Variants in XKR4 observed in about 807,000 individuals in gnomAD.
XKR4 encodes XK related 4.
A neutral mutation model predicts 53.9 loss-of-function variants in XKR4; 12 were observed. That is an observed-to-expected ratio of 0.22 (90% confidence interval 0.14 to 0.36). The LOEUF is 0.36. Among genes scored for constraint, XKR4 ranks in the 10% least tolerant of loss-of-function variants. The pLI is 1.00. For synonymous variants in XKR4, 354 were observed against 362.4 expected (o/e 0.98, Z 0.26); for missense variants, 799 against 859.5 (o/e 0.93, Z 0.88).
intron 1 of XKR4, among the ~76,000 whole-genome samples, chr8:55,269,708 C>T (rs112911663): frequency 2.6e-5 from 4 of 152,264 alleles, no homozygotes; most frequent in African/African-American, 7.2e-5. Flanking sequence ...TACCATTAGT[C>T]TTTAAGAATC....
At position 55,267,190 on chromosome 8, in the gene XKR4, A is replaced by G. The variant is rs1818618636; in HGVS notation, c.807-90488A>G. On this transcript the variant is annotated intron_variant, in intron 1 of 2. Coordinates refer to ENST00000327381, the MANE Select transcript of XKR4 (RefSeq NM_052898.2). ...TGGAGCTAATTCAGAGGCTTAGACA[A>G]AAGTGAAATATAATAAGGAATATCC... Among the ~76,000 whole-genome samples, 2 of 152,100 alleles carry G rather than the reference A, an allele frequency of 1.3e-5. 1 individual carries two copies. The highest frequency in any genetic ancestry group is 4.1e-4 in the South Asian group (2 of 4,822).
At chr8:55,398,420 G>T (rs1470642218) in intron 2 of XKR4, among the ~76,000 whole-genome samples, 3 of 152,056 alleles carry the variant, frequency 2.0e-5, no homozygotes, top group African/African-American at 7.2e-5. Context: ...ATATATTTAT[G>T]AATTTCTACA....
At chr8:55,357,428 C>T (rs796501405) in intron 1 of XKR4, among the ~76,000 whole-genome samples, 6 of 152,180 alleles carry the variant, frequency 3.9e-5, no homozygotes, top group South Asian at 2.1e-4. Flanking sequence ...TTCCACCTCA[C>T]GCTTCTTCAT....
At chr8:55,313,136 A>C (rs1170616300) in intron 1 of XKR4, among the ~76,000 whole-genome samples, 1 of 152,124 alleles carries the variant, frequency 6.6e-6, no homozygotes, top group African/African-American at 2.4e-5. Context: ...AAAAAGTGTT[A>C]TTATTATGCA....
chr8:55,316,287 T>G (rs1819474539), intron 1 of XKR4, among the ~76,000 whole-genome samples: 1 of 152,152 alleles, frequency 6.6e-6, no homozygotes, highest in African/African-American at 2.4e-5. Context: ...GTAGCACCGA[T>G]TCTCAGGCTG....
At chr8:55,184,844 C>A (rs2129360245) in intron 1 of XKR4, among the ~76,000 whole-genome samples, 1 of 151,552 alleles carries the variant, frequency 6.6e-6, no homozygotes, top group South Asian at 2.1e-4. Flanking sequence ...GGGTGTAGAT[C>A]TATTTTTTTC....
chr8:55,156,670 T>G (rs958186488), intron 1 of XKR4, among the ~76,000 whole-genome samples: 2 of 152,148 alleles, frequency 1.3e-5, no homozygotes, highest in Admixed American at 1.3e-4. Context: ...TTTCCCCCAT[T>G]GTAAGTCTCT....
intron 1 of XKR4, among the ~76,000 whole-genome samples, chr8:55,111,638 G>A (rs6473973): frequency 0.039 from 5,984 of 152,150 alleles, 214 homozygotes; most frequent in African/African-American, 0.092. Flanking sequence ...CTACATATTC[G>A]AAATGATGTC....
intron 1 of XKR4, among the ~76,000 whole-genome samples, chr8:55,337,985 T>C (rs1803487091): frequency 1.3e-5 from 2 of 152,200 alleles, no homozygotes; most frequent in Non-Finnish European, 2.9e-5. Flanking sequence ...TCCCATATTG[T>C]CTCTTGCCTA....
At chr8:55,356,797 T>G in intron 1 of XKR4, among the ~76,000 whole-genome samples, 1 of 152,186 alleles carries the variant, frequency 6.6e-6, no homozygotes, top group Non-Finnish European at 1.5e-5. Flanking sequence ...GCAGGTCTAC[T>G]TACAGGCAAA....
intron 2 of XKR4, among the ~76,000 whole-genome samples, chr8:55,434,361 A>G (rs1805144555): frequency 6.6e-6 from 1 of 152,034 alleles, no homozygotes; most frequent in Admixed American, 6.6e-5. Context: ...GTAAAAATTT[A>G]ATATGAGTTT....
chr8:55,451,777 A>T (rs533326998), intron 2 of XKR4: 3 of 1,052,370 alleles, frequency 2.9e-6, no homozygotes, highest in Admixed American at 3.6e-5. Flanking sequence ...CAGGGGGCCC[A>T]GGCCAAGGCA....
At chr8:55,125,629 C>T (rs990518728) in intron 1 of XKR4, among the ~76,000 whole-genome samples, 2 of 152,078 alleles carry the variant, frequency 1.3e-5, no homozygotes, top group Non-Finnish European at 2.9e-5. Flanking sequence ...CCAAAGACAT[C>T]GCAAACTGGA....
chr8:55,513,498 T>C (rs1417147230), intron 2 of XKR4, among the ~76,000 whole-genome samples: 1 of 152,228 alleles, frequency 6.6e-6, no homozygotes, highest in African/African-American at 2.4e-5. Flanking sequence ...AGCCTGAACC[T>C]ATCATGCCTG....
At chr8:55,387,070 G>T (rs1291581460) in intron 2 of XKR4, among the ~76,000 whole-genome samples, 1 of 152,174 alleles carries the variant, frequency 6.6e-6, no homozygotes, top group East Asian at 1.9e-4. Context: ...TCCCCAGTAA[G>T]CTTCCAGGTC....
chr8:55,357,946 G>T lies in XKR4; in HGVS notation c.1006+69G>T, dbSNP rs1037347548. ...CTGGCTACTTTTGTCACAATCCGAG[G>T]AACTGTCCTAATGCCCTTTGTTGAC... On this transcript the variant is annotated intron_variant, in intron 2 of 2. Coordinates refer to ENST00000327381, the MANE Select transcript of XKR4 (RefSeq NM_052898.2). 16 of 1,498,394 alleles carry T rather than the reference G, an allele frequency of 1.1e-5. No homozygotes were observed. In the African/African-American group the frequency reaches 1.5e-4, roughly 14 times the overall value. The allele number at this position is 1,498,394 out of a possible 1,614,324, so 92.8% of individuals were successfully genotyped here. A position where few individuals can be genotyped will look rare whatever the true frequency, so the allele number is the denominator to read the frequency against.
chr8:55,393,072 C>A (rs111487980), intron 2 of XKR4, among the ~76,000 whole-genome samples: 1 of 151,606 alleles, frequency 6.6e-6, no homozygotes, highest in East Asian at 1.9e-4. Flanking sequence ...TTTTAAAATG[C>A]CAAATAAAAT....
At chr8:55,196,311 A>G (rs1401653768) in intron 1 of XKR4, among the ~76,000 whole-genome samples, 1 of 151,320 alleles carries the variant, frequency 6.6e-6, no homozygotes, top group Non-Finnish European at 1.5e-5. Flanking sequence ...CCTCCTGAGT[A>G]GCTGGGATTA....
Position 55,454,263 on chromosome 8 carries a change from C to T in XKR4, c.1007-69018C>T, listed in dbSNP as rs1799826358. The T allele has an allele frequency of 7.7e-6, 10 of 1,300,444 alleles. No individual in the cohort carries two copies. The Admixed American group carries it at 1.2e-4, about 15-fold the overall frequency. 80.6% of individuals were successfully genotyped at this position (1,300,444 alleles called of 1,614,324 possible). On this transcript the variant is annotated intron_variant, in intron 2 of 2. Coordinates refer to ENST00000327381, the MANE Select transcript of XKR4 (RefSeq NM_052898.2). ...TCTCCATCCAGATCAGCTACAATCA[C>T]GTCTAGCAGCTCCTGGGTCTCTGCC...
Sources: gnomAD v4.1 joint callset for allele counts (sites outside exome capture counted in the v4.1 genomes callset) on GRCh38, gnomAD v4.1.1 for gene constraint, MANE v1.5 for transcripts, NCBI Gene and HGNC (gene_info 2026-07-23, HGNC 2026-07-21) for gene names.